Variants in ARAP1 observed in about 807,000 individuals in gnomAD.
ARAP1 encodes arf-GAP with Rho-GAP domain, ANK repeat and PH domain-containing protein 1.
ARAP1 carries 76 observed loss-of-function variants against 172.2 expected under a neutral mutation model. The observed-to-expected ratio is 0.44, with a 90% confidence interval of 0.37 to 0.53. The LOEUF (loss-of-function observed/expected upper bound fraction) is 0.53, where lower values mean the gene tolerates loss of function less well. ARAP1 is among the 20% of genes least tolerant of loss of function. The pLI, the probability that ARAP1 is intolerant of heterozygous loss-of-function variation, is 0.00. For synonymous variants in ARAP1, 804 were observed against 803.3 expected, an observed-to-expected ratio of 1.00 and a Z score of -0.01; for missense variants, 1,686 against 1,977.5, an observed-to-expected ratio of 0.85 and a Z score of 2.80.
chr11:72,749,956 C>G (rs1030049719), intron 1 of ARAP1, among the ~76,000 whole-genome samples: 2 of 152,190 alleles, frequency 1.3e-5, no homozygotes, highest in Non-Finnish European at 2.9e-5. Context: ...CTGACCCCCA[C>G]CAGGGGTCTC....
At position 72,685,744 on chromosome 11, in the gene ARAP1, G is replaced by T. The variant is rs191460924; in HGVS notation, c.4336-63C>A. On this transcript the variant is annotated intron_variant, in intron 34 of 34. Coordinates refer to ENST00000393609, the MANE Select transcript of ARAP1 (RefSeq NM_001040118.3). ...GGCCCAGAGGGGCTGGCGCCCCGCT[G>T]AAGCTGCTGCAGCTGCTGCAGCCAC... 4 of 1,605,338 alleles carry T rather than the reference G, an allele frequency of 2.5e-6. No homozygotes were observed. The South Asian group carries it at 4.4e-5, about 18-fold the overall frequency.
At chr11:72,706,264 G>A (rs139788811) in intron 12 of ARAP1, among the ~76,000 whole-genome samples, 1 of 152,216 alleles carries the variant, frequency 6.6e-6, no homozygotes, top group Middle Eastern at 3.4e-3. Flanking sequence ...CTCCTTACCT[G>A]CTTCCCCTCC....
At chr11:72,690,128 G>T (rs2135489326) in intron 30 of ARAP1, among the ~76,000 whole-genome samples, 1 of 152,292 alleles carries the variant, frequency 6.6e-6, no homozygotes, top group Admixed American at 6.5e-5. Flanking sequence ...AAAACAGGCT[G>T]TGGGTTTGGA....
intron 2 of ARAP1, among the ~76,000 whole-genome samples, chr11:72,728,745 C>T (rs995089262): frequency 6.6e-6 from 1 of 151,888 alleles, no homozygotes; most frequent in Non-Finnish European, 1.5e-5. Context: ...TAAACAACAG[C>T]GATAGGAAGA....
chr11:72,730,694 C>T (rs551860216), intron 2 of ARAP1, among the ~76,000 whole-genome samples: 140 of 152,196 alleles, frequency 9.2e-4, no homozygotes, highest in Non-Finnish European at 1.8e-3. Flanking sequence ...TTTGTCCTCC[C>T]GCCTCCCCCA....
In ARAP1 at chr11:72,710,607, G is replaced by C. The variant is rs774612997; in HGVS notation, c.1214-20C>G. 13 of 1,589,692 alleles carry C rather than the reference G, an allele frequency of 8.2e-6. No individual in the cohort carries two copies. Among genetic ancestry groups the C allele is most frequent in the Non-Finnish European group, 1.1e-5 (13 of 1,170,960 alleles). ...GCTCCACTGCAGGAGAAGGGTAGAG[G>C]AGTAAGCCCAAGGTTGCAGGGAGCC... On this transcript the variant is annotated intron_variant, in intron 9 of 34. Coordinates refer to ENST00000393609, the MANE Select transcript of ARAP1 (RefSeq NM_001040118.3). The surrounding 1 kb of genome is among the most constrained non-coding windows in gnomAD (Gnocchi z 4.3).
chr11:72,692,625 CGGGCAAGGGGGCA>C (rs1855986961), intron 30 of ARAP1, 115 bp downstream of exon 30: 2 of 1,275,734 alleles, frequency 1.6e-6, no homozygotes, highest in South Asian at 2.4e-5. Flanking sequence ...CCAGTGCCAA[CGGGCAAGGGGGCA>C]GGGATCCATG....
chr11:72,699,137 C>G lies in ARAP1; in HGVS notation c.2439-30G>C. On this transcript the variant is annotated intron_variant, in intron 17 of 34. Coordinates refer to ENST00000393609, the MANE Select transcript of ARAP1 (RefSeq NM_001040118.3). The surrounding 1 kb of genome is among the most constrained non-coding windows in gnomAD (Gnocchi z 4.2). Reference sequence around the variant, plus strand: ...AAATACACAGGCCAGGACTCAGGCCCACCTCATCCAGCACGGGCCCACCCC... The same window carrying G: ...AAATACACAGGCCAGGACTCAGGCCGACCTCATCCAGCACGGGCCCACCCC... 3 of 1,609,944 alleles carry G rather than the reference C, an allele frequency of 1.9e-6. No homozygotes were observed. Among genetic ancestry groups the G allele is most frequent in the Non-Finnish European group, 2.5e-6 (3 of 1,176,732 alleles).
chr11:72,743,957 C>G (rs1858279262), intron 1 of ARAP1, among the ~76,000 whole-genome samples: 1 of 152,072 alleles, frequency 6.6e-6, no homozygotes, highest in Admixed American at 6.6e-5. Flanking sequence ...GCCACCTGCC[C>G]CTCCCCTCTG....
At chr11:72,703,415 G>GGGGCGC (rs71469439) in intron 14 of ARAP1, 6 of 145,314 alleles carry the variant, frequency 4.1e-5, no homozygotes, top group Non-Finnish European at 7.3e-5. Context: ...AGCCGGGGGG[G>GGGGCGC]GGGTGTGCTT....
At chr11:72,738,026 T>C (rs1858083757) in intron 1 of ARAP1, among the ~76,000 whole-genome samples, 1 of 152,178 alleles carries the variant, frequency 6.6e-6, no homozygotes, top group Non-Finnish European at 1.5e-5. Context: ...CTGCTGGAGC[T>C]CACGGGGCCT....
chr11:72,736,697 C>T (rs903735110), intron 1 of ARAP1, among the ~76,000 whole-genome samples: 2 of 152,120 alleles, frequency 1.3e-5, no homozygotes, highest in Non-Finnish European at 2.9e-5. Flanking sequence ...CATGTCCCTC[C>T]AGCGTCTCTC....
At chr11:72,698,420 C>A (rs530880604) in intron 18 of ARAP1, among the ~76,000 whole-genome samples, 1 of 152,234 alleles carries the variant, frequency 6.6e-6, no homozygotes, top group East Asian at 1.9e-4. Context: ...GAACTACACC[C>A]GCAGGGGAGC....
In ARAP1 at chr11:72,711,018, C is replaced by T. The variant is rs1430347645; in HGVS notation, c.1213+3G>A. ...CACACACACAACACCCCACACTCCC[C>T]ACCATCACTCTCTGCCCGGAAGGCA... On this transcript the variant is annotated splice_donor_region_variant and intron_variant, in intron 9 of 34. Transcript: ENST00000393609. 2 of 1,614,206 alleles carry T rather than the reference C, an allele frequency of 1.2e-6. No individual in the cohort carries two copies. The highest frequency in any genetic ancestry group is 1.7e-6 in the Non-Finnish European group (2 of 1,180,024).
chr11:72,711,699 T>TTTC, intron 7 of ARAP1, among the ~76,000 whole-genome samples, 200 bp from the exon 8 acceptor site: 1 of 148,116 alleles, frequency 6.8e-6, no homozygotes, highest in Non-Finnish European at 1.5e-5. Context: ...CATCTCTTTT[T>TTTC]TTTTTTTTTT....
intron 2 of ARAP1, among the ~76,000 whole-genome samples, chr11:72,732,311 C>T (rs1468188973): frequency 6.6e-6 from 1 of 152,132 alleles, no homozygotes; most frequent in Admixed American, 6.5e-5. Flanking sequence ...TGTCTCGTAC[C>T]CCCACCCTGT....
Position 72,695,367 on chromosome 11 carries a change from T to C in ARAP1, c.3576+20A>G, listed in dbSNP as rs775101886. 1.2e-6 allele frequency: 2 copies of C among 1,614,062 alleles called. No individual in the cohort carries two copies. The highest frequency in any genetic ancestry group is 2.2e-5 in the East Asian group (1 of 44,890). The stretch of plus-strand genomic sequence containing the variant: ...CAGCCTGATTCTCTAGCCCCTTGGC[T>C]TCTAGGTCCCAGCACCTACCTTGAT... On this transcript the variant is annotated intron_variant, in intron 26 of 34. Coordinates refer to ENST00000393609, the MANE Select transcript of ARAP1 (RefSeq NM_001040118.3). The surrounding 1 kb of genome is among the most constrained non-coding windows in gnomAD (Gnocchi z 4.4).
At chr11:72,732,193 T>C (rs1384503595) in intron 2 of ARAP1, among the ~76,000 whole-genome samples, 1 of 152,048 alleles carries the variant, frequency 6.6e-6, no homozygotes, top group Non-Finnish European at 1.5e-5. Context: ...GAATAGAGCC[T>C]GAGAATGAGA....
chr11:72,724,286 C>A (rs1857625077), intron 3 of ARAP1, among the ~76,000 whole-genome samples: 1 of 152,190 alleles, frequency 6.6e-6, no homozygotes, highest in African/African-American at 2.4e-5. Context: ...CATCCACCCC[C>A]AAGCTCCACT....
Sources: gnomAD v4.1 joint callset for allele counts (sites outside exome capture counted in the v4.1 genomes callset) on GRCh38, gnomAD v4.1.1 for gene constraint, Gnocchi (gnomAD v3.1) non-coding constraint, MANE v1.5 for transcripts, NCBI Gene and HGNC (gene_info 2026-07-23, HGNC 2026-07-21) for gene names.